PIEZO2: variants seen among roughly 807,000 people sequenced by gnomAD.
PIEZO2 encodes the protein piezo type mechanosensitive ion channel component 2, also known as piezo-type mechanosensitive ion channel component 2.
A neutral mutation model predicts 337.3 loss-of-function variants in PIEZO2; 172 were observed. The ratio of observed to expected loss-of-function variants is 0.51; its 90% CI spans 0.45 to 0.58. The LOEUF (loss-of-function observed/expected upper bound fraction) is 0.58, where lower values mean the gene tolerates loss of function less well. Among genes scored for constraint, PIEZO2 ranks in the 20% least tolerant of loss-of-function variants. The pLI is 0.00. For missense variants in PIEZO2, 3,028 were observed against 3,391.3 expected, an observed-to-expected ratio of 0.89 and a Z score of 2.66; for synonymous variants, 1,251 against 1,228.5, an observed-to-expected ratio of 1.02 and a Z score of -0.38.
At chr18:10,696,989 C>T (rs754566287) in intron 45 of PIEZO2, among the ~76,000 whole-genome samples, 6 of 152,158 alleles carry the variant, frequency 3.9e-5, no homozygotes, top group Admixed American at 1.3e-4. Flanking sequence ...TGCATGAGGG[C>T]GCTCAGACTT....
At chr18:10,735,553 C>G (rs1458755704) in intron 34 of PIEZO2, among the ~76,000 whole-genome samples, 1 of 152,148 alleles carries the variant, frequency 6.6e-6, no homozygotes, top group Admixed American at 6.5e-5. Flanking sequence ...TGTTCATGTT[C>G]TCTCCTTGGC....
Position 10,678,691 on chromosome 18 carries a change from C to A in PIEZO2, c.7953-816G>T, listed in dbSNP as rs2034123501. Among the ~76,000 whole-genome samples the A allele has an allele frequency of 5.3e-5, 8 of 152,252 alleles. No homozygotes were observed. The South Asian group carries it at 1.0e-3, about 20-fold the overall frequency. On this transcript the variant is annotated intron_variant, in intron 52 of 55. Coordinates refer to ENST00000674853, the MANE Select transcript of PIEZO2 (RefSeq NM_001378183.1). ...TCACTAAACTGTTGGGCTTTGGATGCAGTATTTGGATGTGAGAACTTCTGC... is the reference window on the plus strand; with the variant it reads ...TCACTAAACTGTTGGGCTTTGGATGAAGTATTTGGATGTGAGAACTTCTGC...
intron 43 of PIEZO2, 93 bp from the exon 44 acceptor site, chr18:10,699,270 T>A: frequency 6.8e-7 from 1 of 1,475,374 alleles, no homozygotes; most frequent in East Asian, 2.5e-5. Flanking sequence ...CAAACTGTCC[T>A]TCAAGATTAG....
At chr18:10,922,571 C>T (rs999095312) in intron 3 of PIEZO2, among the ~76,000 whole-genome samples, 3 of 151,994 alleles carry the variant, frequency 2.0e-5, no homozygotes, top group South Asian at 4.2e-4. Context: ...AGTAGCTGAG[C>T]GAGGAGAAGA....
intron 7 of PIEZO2, among the ~76,000 whole-genome samples, chr18:10,844,445 A>AAAATAAAATAAAATAAAATAAAATAAAAT (rs1239352675): frequency 6.6e-6 from 1 of 150,646 alleles, no homozygotes; most frequent in African/African-American, 2.4e-5. Context: ...AAAATAAAAT[A>AAAATAAAATAAAATAAAATAAAATAAAAT]AAAATAAAGG....
chr18:11,119,389 C>T (rs532922484), intron 1 of PIEZO2, among the ~76,000 whole-genome samples: 2 of 152,262 alleles, frequency 1.3e-5, no homozygotes, highest in African/African-American at 4.8e-5. Flanking sequence ...CCACCCATCT[C>T]GGCCTCCCAA....
intron 3 of PIEZO2, among the ~76,000 whole-genome samples, chr18:10,935,655 G>C (rs947674003): frequency 1.3e-5 from 2 of 152,154 alleles, no homozygotes; most frequent in African/African-American, 4.8e-5. Context: ...ACAAATCTTG[G>C]CTTCTAGCAA....
intron 2 of PIEZO2, among the ~76,000 whole-genome samples, chr18:10,995,798 A>G (rs951198359): frequency 6.6e-5 from 10 of 152,102 alleles, no homozygotes; most frequent in African/African-American, 1.2e-4. Flanking sequence ...TGGGGCCACT[A>G]TGCTGATTCT....
intron 3 of PIEZO2, among the ~76,000 whole-genome samples, chr18:10,916,618 G>A (rs527377559): frequency 1.6e-4 from 24 of 152,262 alleles, no homozygotes; most frequent in African/African-American, 4.8e-4. Flanking sequence ...AACTCGCGTC[G>A]GCCGGCGAGT....
chr18:11,068,465 A>G (rs2038227835), intron 1 of PIEZO2, among the ~76,000 whole-genome samples: 1 of 152,220 alleles, frequency 6.6e-6, no homozygotes, highest in Non-Finnish European at 1.5e-5. Context: ...AGTAAAAGGG[A>G]GATTAGAAAA....
At position 11,096,456 on chromosome 18, in the gene PIEZO2, C is replaced by T. The variant is rs1007084610; in HGVS notation, c.65-30234G>A. Among the ~76,000 whole-genome samples the T allele has an allele frequency of 5.9e-5, 9 of 152,166 alleles. No homozygotes were observed. The highest frequency in any genetic ancestry group is 2.6e-4 in the Admixed American group (4 of 15,272). On this transcript the variant is annotated intron_variant, in intron 1 of 55. Coordinates refer to ENST00000674853, the MANE Select transcript of PIEZO2 (RefSeq NM_001378183.1). This position sits in a 1 kb window ranked among gnomAD's most constrained non-coding sequence, Gnocchi z 4.6. ...CACACCTGGTTCTGCCTCCTAAGAGCTCTCGGACAAATGCCTCCCTGTTTC... is the reference window on the plus strand; with the variant it reads ...CACACCTGGTTCTGCCTCCTAAGAGTTCTCGGACAAATGCCTCCCTGTTTC...
chr18:11,076,689 C>G (rs1048886087), intron 1 of PIEZO2, among the ~76,000 whole-genome samples: 1 of 152,040 alleles, frequency 6.6e-6, no homozygotes, highest in Non-Finnish European at 1.5e-5. Context: ...ATATATATAA[C>G]TTCACATCAT....
In PIEZO2 at chr18:10,672,757, C is replaced by T. The variant is rs777181903; in HGVS notation, c.8278G>A (p.Ala2760Thr). The T allele has an allele frequency of 1.2e-6, 2 of 1,614,086 alleles. No homozygotes were observed. The highest frequency in any genetic ancestry group is 2.2e-5 in the South Asian group (2 of 91,082). The part of the protein sequence containing the change: ...GNRIYNPNSQ[A>T]LELVVFNDKV... ...TCATTGAAGACCACCAGTTCCAGGG[C>T]CTGAGAGTTCGGATTGTATATTCTG... Residue 2760 changes from alanine (A) to threonine (T), a missense_variant, in exon 55 of 56, where the codon GCC (alanine) becomes ACC (threonine). Around this residue, in one of 5 missense-constraint regions of PIEZO2, gnomAD observed 332 missense variants for 363.8 expected, o/e 0.91. Coordinates refer to ENST00000674853, the MANE Select transcript of PIEZO2 (RefSeq NM_001378183.1). This position sits in a 1 kb window ranked among gnomAD's most constrained non-coding sequence, Gnocchi z 4.7.
Position 10,726,521 on chromosome 18 carries a change from G to A in PIEZO2, c.5029+4886C>T. The A allele has an allele frequency of 6.8e-7, 1 of 1,476,084 alleles. No individual in the cohort carries two copies. The highest frequency in any genetic ancestry group is 9.0e-7 in the Non-Finnish European group (1 of 1,115,214). The allele number at this position is 1,476,084 out of a possible 1,614,324, so 91.4% of individuals were successfully genotyped here. On this transcript the variant is annotated intron_variant, in intron 36 of 55. Coordinates refer to ENST00000674853, the MANE Select transcript of PIEZO2 (RefSeq NM_001378183.1). The surrounding 1 kb of genome is among the most constrained non-coding windows in gnomAD (Gnocchi z 5.9). The stretch of plus-strand genomic sequence containing the variant: ...CCGCAAGCAGCCGTTCCTGTGGCGC[G>A]CTGCGCTGCTCTGCTCTGCTACACC...
chr18:11,064,040 A>G (rs1057454465), intron 2 of PIEZO2, among the ~76,000 whole-genome samples: 6 of 152,136 alleles, frequency 3.9e-5, no homozygotes, highest in Admixed American at 3.3e-4. Context: ...AAAAAAAAAA[A>G]AGAAAGTCCT....
At chr18:11,090,554 A>G (rs1056907087) in intron 1 of PIEZO2, among the ~76,000 whole-genome samples, 4 of 152,204 alleles carry the variant, frequency 2.6e-5, no homozygotes, top group Non-Finnish European at 5.9e-5. Flanking sequence ...GGGCAAAGGA[A>G]GTCAATTACT....
chr18:10,826,427 C>T (rs1289413896), intron 7 of PIEZO2, among the ~76,000 whole-genome samples: 1 of 152,174 alleles, frequency 6.6e-6, no homozygotes, highest in Non-Finnish European at 1.5e-5. Flanking sequence ...CACCTGCTGC[C>T]TCATCTGCCA....
chr18:10,689,795 G>C lies in PIEZO2; in HGVS notation c.7357C>G (p.Leu2453Val). ...CTCAGCTCAGTCAAAAAGGGCACGAGGCGAAACCTGGCAGGAAACACATCT... is the reference window on the plus strand; with the variant it reads ...CTCAGCTCAGTCAAAAAGGGCACGACGCGAAACCTGGCAGGAAACACATCT... ...VNLFLFQGFR[L>V]VPFLTELRAV... Residue 2453 changes from leucine (L) to valine (V), a missense_variant, in exon 49 of 56, where the codon CTC becomes GTC. Physicochemically the swap from Leu to Val is conservative, Grantham distance 32. Transcript: ENST00000674853. 1 of 1,606,798 alleles carries C rather than the reference G, an allele frequency of 6.2e-7. No individual in the cohort carries two copies. Among genetic ancestry groups the C allele is most frequent in the Non-Finnish European group, 8.5e-7 (1 of 1,175,798 alleles).
chr18:11,112,321 T>G lies in PIEZO2; in HGVS notation c.64+36204A>C, dbSNP rs1347889014. The stretch of plus-strand genomic sequence containing the variant: ...TCATTTGAGTTTAAAATAAAAACAG[T>G]TATTTGAGATATTCTGATCCACCCA... On this transcript the variant is annotated intron_variant, in intron 1 of 55. Transcript: ENST00000674853. This position sits in a 1 kb window ranked among gnomAD's most constrained non-coding sequence, Gnocchi z 4.3. Among the ~76,000 whole-genome samples the G allele has an allele frequency of 6.6e-6, 1 of 152,200 alleles. No homozygotes were observed. The highest frequency in any genetic ancestry group is 1.5e-5 in the Non-Finnish European group (1 of 68,032).
Sources: allele counts gnomAD v4.1 joint callset (sites outside exome capture counted in the v4.1 genomes callset), GRCh38; gene constraint gnomAD v4.1.1; regional missense constraint gnomAD v4.1.1; non-coding constraint Gnocchi (gnomAD v3.1); transcripts MANE v1.5; gene names NCBI Gene and HGNC (gene_info 2026-07-23, HGNC 2026-07-21).